The following PPP4R4 variants were observed in gnomAD, a reference collection of about 807,000 sequenced individuals.
PPP4R4 encodes the protein protein phosphatase 4 regulatory subunit 4.
PPP4R4 carries 70 observed loss-of-function variants against 121.8 expected under a neutral mutation model. The observed-to-expected ratio is 0.57, with a 90% CI of 0.47 to 0.70. PPP4R4 has a LOEUF of 0.70. Among genes scored for constraint, PPP4R4 ranks in the 30% least tolerant of loss-of-function variants. The probability of loss-of-function intolerance (pLI) is 0.00; values close to 1 mark genes in which losing one functional copy is unlikely to be tolerated. For synonymous variants in PPP4R4, 348 were observed against 355.7 expected, an observed-to-expected ratio of 0.98 and a Z score of 0.24; for missense variants, 875 against 1,033.6, an observed-to-expected ratio of 0.85 and a Z score of 2.10.
At chr14:94,263,975 A>C (rs1365089420) in intron 19 of PPP4R4, among the ~76,000 whole-genome samples, 1 of 152,142 alleles carries the variant, frequency 6.6e-6, no homozygotes, top group Admixed American at 6.5e-5. Context: ...GTTTGTTCAG[A>C]ACTTGCTGTG....
Position 94,233,702 on chromosome 14 carries a change from C to G in PPP4R4, c.566C>G (p.Ser189Cys). Residue 189 changes from serine to cysteine, a missense_variant, in exon 6 of 25, where the codon TCT becomes TGT. Ser to Cys is a moderately radical substitution (Grantham distance 112). Coordinates refer to ENST00000304338, the MANE Select transcript of PPP4R4 (RefSeq NM_058237.2). The part of the protein sequence containing the change: ...SKAQLSQTVQ[S>C]RLVSCKILGK... ...GCACAACTTTCCCAAACAGTCCAGTCTCGTTTAGTTAGTTGTAAAATTTTA... is the reference window on the plus strand; with the variant it reads ...GCACAACTTTCCCAAACAGTCCAGTGTCGTTTAGTTAGTTGTAAAATTTTA... The G allele has an allele frequency of 6.2e-7, 1 of 1,606,536 alleles. No homozygotes were observed. Among genetic ancestry groups the G allele is most frequent in the Non-Finnish European group, 8.5e-7 (1 of 1,174,598 alleles).
At chr14:94,225,641 A>G (rs1891655602) in intron 3 of PPP4R4, among the ~76,000 whole-genome samples, 1 of 152,194 alleles carries the variant, frequency 6.6e-6, no homozygotes, top group African/African-American at 2.4e-5. Context: ...TGCCTTGAAC[A>G]TAATTGAGCA....
chr14:94,194,156 T>C (rs1327559641), intron 2 of PPP4R4, among the ~76,000 whole-genome samples: 1 of 152,236 alleles, frequency 6.6e-6, no homozygotes, highest in African/African-American at 2.4e-5. Flanking sequence ...GTAACATTAA[T>C]TTAGAGTTTA....
chr14:94,197,483 T>C (rs1445702715), intron 2 of PPP4R4, among the ~76,000 whole-genome samples: 1 of 152,242 alleles, frequency 6.6e-6, no homozygotes, highest in Non-Finnish European at 1.5e-5. Flanking sequence ...TAAAAAATGA[T>C]GTGTTCACTG....
At chr14:94,249,248 T>C (rs1001718051) in intron 14 of PPP4R4, among the ~76,000 whole-genome samples, 1 of 152,030 alleles carries the variant, frequency 6.6e-6, no homozygotes, top group Non-Finnish European at 1.5e-5. Context: ...TCTGCTTATG[T>C]ATATTTTTTA....
intron 2 of PPP4R4, among the ~76,000 whole-genome samples, chr14:94,179,875 G>A (rs142164156): frequency 1.2e-4 from 19 of 152,278 alleles, no homozygotes; most frequent in African/African-American, 4.3e-4. Context: ...CTTGTTCTTC[G>A]CTGTGATATA....
chr14:94,233,513 TA>T (rs1892165901), intron 5 of PPP4R4, 139 bp from the exon 6 acceptor site: 2 of 591,124 alleles, frequency 3.4e-6, no homozygotes, highest in Admixed American at 7.0e-5. Flanking sequence ...TAATCCAAGT[TA>T]TTGAGTCATG....
At chr14:94,202,188 C>T (rs2139433528) in intron 2 of PPP4R4, among the ~76,000 whole-genome samples, 1 of 152,182 alleles carries the variant, frequency 6.6e-6, no homozygotes, top group South Asian at 2.1e-4. Flanking sequence ...TAAAAGACTA[C>T]ACACTGGGTA....
rs144320734 is a variant in PPP4R4, at chr14:94,234,809, G to A, written c.731+140G>A. On this transcript the variant is annotated intron_variant, in intron 7 of 24. Transcript: ENST00000304338. The stretch of plus-strand genomic sequence containing the variant: ...AGATAAAGAGGAATGTGCTTAGCAT[G>A]GTGGTAGGCGTTTGATTAATGTTAA... 22 of 658,484 alleles carry A rather than the reference G, an allele frequency of 3.3e-5. No homozygotes were observed. The Admixed American group carries it at 4.7e-4, about 14-fold the overall frequency. The allele number at this position is 658,484 out of a possible 1,614,324, so 40.8% of individuals were successfully genotyped here. A position where few individuals can be genotyped will look rare whatever the true frequency, so the allele number is the denominator to read the frequency against.
At chr14:94,191,820 T>TA (rs1412775344) in intron 2 of PPP4R4, among the ~76,000 whole-genome samples, 5 of 152,176 alleles carry the variant, frequency 3.3e-5, no homozygotes, top group African/African-American at 1.2e-4. Flanking sequence ...ACATAACTCT[T>TA]ACAAAATTAT....
At chr14:94,209,535 A>G (rs1220569291) in intron 3 of PPP4R4, among the ~76,000 whole-genome samples, 2 of 152,124 alleles carry the variant, frequency 1.3e-5, no homozygotes, top group African/African-American at 4.8e-5. Context: ...GACTGATTAC[A>G]ATGGTGAATT....
intron 16 of PPP4R4, 52 bp downstream of exon 16, chr14:94,251,948 T>G (rs1396616646): frequency 7.0e-7 from 1 of 1,434,768 alleles, no homozygotes. Context: ...TTTTATCTAC[T>G]ATAGTGAACA....
chr14:94,216,927 C>T (rs75142801), intron 3 of PPP4R4, among the ~76,000 whole-genome samples: 1 of 152,042 alleles, frequency 6.6e-6, no homozygotes, highest in African/African-American at 2.4e-5. Flanking sequence ...GAACTAGGAC[C>T]CTGCACTGAT....
At chr14:94,203,544 C>G in intron 2 of PPP4R4, among the ~76,000 whole-genome samples, 1 of 152,082 alleles carries the variant, frequency 6.6e-6, no homozygotes, top group Non-Finnish European at 1.5e-5. Flanking sequence ...TTTATGTGAA[C>G]AGAAATTTTT....
chr14:94,221,683 CAAAA>C (rs1163531327), intron 3 of PPP4R4, among the ~76,000 whole-genome samples: 1 of 151,832 alleles, frequency 6.6e-6, no homozygotes, highest in Non-Finnish European at 1.5e-5. Flanking sequence ...AACAAACAAA[CAAAA>C]AAACAGCAAT....
At chr14:94,260,804 A>G (rs1893746662) in intron 19 of PPP4R4, among the ~76,000 whole-genome samples, 1 of 152,136 alleles carries the variant, frequency 6.6e-6, no homozygotes, top group Non-Finnish European at 1.5e-5. Flanking sequence ...TTTGAACAAC[A>G]GAAATATTTG....
chr14:94,216,705 G>T (rs935785895), intron 3 of PPP4R4, among the ~76,000 whole-genome samples: 1 of 152,194 alleles, frequency 6.6e-6, no homozygotes, highest in Non-Finnish European at 1.5e-5. Context: ...AAGCTGCAGA[G>T]GGAGAAGCAG....
chr14:94,237,880 G>C (rs1247560935), intron 8 of PPP4R4, among the ~76,000 whole-genome samples, 194 bp downstream of exon 8: 1 of 152,100 alleles, frequency 6.6e-6, no homozygotes, highest in East Asian at 1.9e-4. Flanking sequence ...AGTCCATTTT[G>C]TGTTGCTGTA....
At chr14:94,236,993 CAA>C (rs1892381714) in intron 7 of PPP4R4, among the ~76,000 whole-genome samples, 1 of 152,024 alleles carries the variant, frequency 6.6e-6, no homozygotes, top group South Asian at 2.1e-4. Context: ...TAAGCAGAAA[CAA>C]AATGTTGAAT....
Sources: gnomAD v4.1 joint callset for allele counts (sites outside exome capture counted in the v4.1 genomes callset) on GRCh38, gnomAD v4.1.1 for gene constraint, MANE v1.5 for transcripts, NCBI Gene and HGNC (gene_info 2026-07-23, HGNC 2026-07-21) for gene names.